PRKCA: variants seen among roughly 807,000 people sequenced by gnomAD.
PRKCA encodes protein kinase C alpha, also known as protein kinase C alpha type.
A neutral mutation model predicts 87.0 loss-of-function variants in PRKCA; 27 were observed. That is an observed-to-expected ratio of 0.31 (90% CI 0.23 to 0.43). The LOEUF (loss-of-function observed/expected upper bound fraction) is 0.43. Among genes scored for constraint, PRKCA ranks in the 20% least tolerant of loss-of-function variants. The pLI is 1.00. For missense variants in PRKCA, 518 were observed against 852.3 expected (o/e 0.61, Z 4.88); for synonymous variants, 329 against 311.1 (o/e 1.06, Z -0.61).
At chr17:66,720,057 G>A (rs1297923480) in intron 8 of PRKCA, among the ~76,000 whole-genome samples, 1 of 152,240 alleles carries the variant, frequency 6.6e-6, no homozygotes, top group East Asian at 1.9e-4. Context: ...GACGAGCCGT[G>A]CGTGCTCATC....
intron 8 of PRKCA, among the ~76,000 whole-genome samples, chr17:66,708,919 A>G (rs1402729269): frequency 2.6e-5 from 4 of 152,226 alleles, no homozygotes; most frequent in Admixed American, 2.6e-4. Flanking sequence ...AAAATGGCCT[A>G]TTTTAGGAAC....
At chr17:66,495,591 G>T (rs1046861014) in intron 2 of PRKCA, among the ~76,000 whole-genome samples, 10 of 121,158 alleles carry the variant, frequency 8.3e-5, no homozygotes, top group Admixed American at 5.5e-4. Context: ...CACTCTTGTT[G>T]CCCAGTCTGG....
chr17:66,466,999 C>T (rs193054588), intron 2 of PRKCA, among the ~76,000 whole-genome samples: 1 of 152,304 alleles, frequency 6.6e-6, no homozygotes, highest in Non-Finnish European at 1.5e-5. Context: ...AAATGATGCT[C>T]ATATTCAAAC....
intron 16 of PRKCA, among the ~76,000 whole-genome samples, chr17:66,791,262 G>C (rs935738622): frequency 6.6e-6 from 1 of 151,184 alleles, no homozygotes; most frequent in Non-Finnish European, 1.5e-5. Context: ...AGAAATTGTC[G>C]ACCCAGGCCC....
At chr17:66,514,545 G>T (rs947040843) in intron 3 of PRKCA, among the ~76,000 whole-genome samples, 4 of 152,184 alleles carry the variant, frequency 2.6e-5, no homozygotes, top group African/African-American at 7.2e-5. Flanking sequence ...AAAATGTCCA[G>T]AACAGGGCAG....
chr17:66,761,485 C>G (rs1974683842), intron 13 of PRKCA, among the ~76,000 whole-genome samples: 1 of 151,774 alleles, frequency 6.6e-6, no homozygotes, highest in Non-Finnish European at 1.5e-5. Flanking sequence ...GAGATGGAGT[C>G]TCGCTCTGTT....
At chr17:66,511,930 C>T (rs1174822515) in intron 3 of PRKCA, among the ~76,000 whole-genome samples, 6 of 152,092 alleles carry the variant, frequency 3.9e-5, no homozygotes, top group South Asian at 4.1e-4. Context: ...TTCTACCCCC[C>T]TCAGCCTTCC....
At chr17:66,690,760 G>A (rs555033600) in intron 8 of PRKCA, among the ~76,000 whole-genome samples, 64 of 150,058 alleles carry the variant, frequency 4.3e-4, no homozygotes, top group South Asian at 4.3e-4. Flanking sequence ...CCTGGGAGGC[G>A]GAAGTTGCAG....
At chr17:66,740,002 G>A (rs1974123049) in intron 11 of PRKCA, among the ~76,000 whole-genome samples, 1 of 152,086 alleles carries the variant, frequency 6.6e-6, no homozygotes, top group South Asian at 2.1e-4. Context: ...GCTAGACCTT[G>A]GAGCCAAAGA....
At chr17:66,308,119 A>C (rs1384471054) in intron 2 of PRKCA, among the ~76,000 whole-genome samples, 1 of 152,152 alleles carries the variant, frequency 6.6e-6, no homozygotes. Context: ...TACTAGTACA[A>C]ATACCTTTGT....
chr17:66,736,716 G>A (rs1395004860), intron 10 of PRKCA, among the ~76,000 whole-genome samples: 1 of 152,164 alleles, frequency 6.6e-6, no homozygotes, highest in Non-Finnish European at 1.5e-5. Context: ...TATTCTCTAT[G>A]GCTTGTGAGT....
intron 3 of PRKCA, among the ~76,000 whole-genome samples, chr17:66,522,183 C>T (rs535793033): frequency 2.6e-5 from 4 of 152,274 alleles, no homozygotes; most frequent in South Asian, 2.1e-4. Context: ...CCAGGAGCCC[C>T]GTGGGAGGAA....
intron 3 of PRKCA, among the ~76,000 whole-genome samples, chr17:66,504,633 A>G (rs1459375533): frequency 1.3e-5 from 2 of 152,128 alleles, no homozygotes; most frequent in Admixed American, 6.6e-5. Context: ...GGTAGGTGCC[A>G]TAAGTGGGGA....
At chr17:66,560,222 G>A (rs1226201075) in intron 3 of PRKCA, among the ~76,000 whole-genome samples, 1 of 147,612 alleles carries the variant, frequency 6.8e-6, no homozygotes, top group Non-Finnish European at 1.5e-5. Context: ...GGAGAGTAGT[G>A]GTGTGGTTAA....
chr17:66,721,208 A>AGT (rs1973605938), intron 8 of PRKCA, among the ~76,000 whole-genome samples: 1 of 152,068 alleles, frequency 6.6e-6, no homozygotes, highest in Non-Finnish European at 1.5e-5. Context: ...CATCCTGGCT[A>AGT]ACATGGTGAA....
At chr17:66,400,400 C>T (rs530203748) in intron 2 of PRKCA, among the ~76,000 whole-genome samples, 2 of 152,348 alleles carry the variant, frequency 1.3e-5, no homozygotes, top group African/African-American at 4.8e-5. Context: ...GATCCCCCCG[C>T]CTTGGCCTCC....
chr17:66,729,908 A>C (rs1279592946), intron 8 of PRKCA, among the ~76,000 whole-genome samples: 4 of 147,866 alleles, frequency 2.7e-5, no homozygotes, highest in African/African-American at 5.0e-5. Context: ...CTCCTGCTTC[A>C]GCCTCCTGAG....
chr17:66,738,661 T>TC (rs1974093261), intron 10 of PRKCA, 103 bp from the exon 11 acceptor site: 1 of 869,644 alleles, frequency 1.1e-6, no homozygotes, highest in Non-Finnish European at 1.9e-6. Context: ...GCCCATGCAG[T>TC]CCCCATTTAA....
intron 14 of PRKCA, chr17:66,777,274 T>C: frequency 1.0e-6 from 1 of 985,328 alleles, no homozygotes; most frequent in Non-Finnish European, 1.2e-6. Flanking sequence ...GATCTCTCCT[T>C]TATGTGTCTT....
Sources: allele counts gnomAD v4.1 joint callset (sites outside exome capture counted in the v4.1 genomes callset), GRCh38; gene constraint gnomAD v4.1.1; transcripts MANE v1.5; gene names NCBI Gene and HGNC (gene_info 2026-07-23, HGNC 2026-07-21).